The following INSC variants were observed in gnomAD, a reference collection of about 807,000 sequenced individuals.
INSC encodes the protein protein inscuteable homolog.
INSC carries 67 observed loss-of-function variants against 58.6 expected under a neutral mutation model. That is an observed-to-expected ratio of 1.14 (90% CI 0.94 to 1.40). INSC has a LOEUF of 1.40. INSC is among the 40% of genes most tolerant of loss of function. INSC has a pLI of 0.00. For synonymous variants in INSC, 262 were observed against 276.1 expected (o/e 0.95, Z 0.51); for missense variants, 714 against 692.0 (o/e 1.03, Z -0.36).
intron 7 of INSC, among the ~76,000 whole-genome samples, chr11:15,208,042 C>T (rs1031930882): frequency 6.6e-6 from 1 of 152,212 alleles, no homozygotes; most frequent in Non-Finnish European, 1.5e-5. Context: ...AAAGCTACTA[C>T]TTTCTTGCTA....
At chr11:15,206,051 T>G (rs1385448579) in intron 7 of INSC, among the ~76,000 whole-genome samples, 1 of 152,204 alleles carries the variant, frequency 6.6e-6, no homozygotes. Flanking sequence ...GCAGCCTCCC[T>G]GCATCCTAAG....
chr11:15,262,757 T>C, the INSC span, among the ~76,000 whole-genome samples: 2 of 151,808 alleles, frequency 1.3e-5, no homozygotes, highest in African/African-American at 2.4e-5. Context: ...CAGTTCTCTA[T>C]GGAAGAAACA....
intron 9 of INSC, among the ~76,000 whole-genome samples, chr11:15,230,589 A>T (rs1217844338): frequency 6.6e-6 from 1 of 152,250 alleles, no homozygotes; most frequent in African/African-American, 2.4e-5. Flanking sequence ...TCCAAAACAT[A>T]TCAGGGATAT....
At chr11:15,135,409 T>C (rs1436129154) in intron 1 of INSC, among the ~76,000 whole-genome samples, 1 of 152,224 alleles carries the variant, frequency 6.6e-6, no homozygotes, top group Non-Finnish European at 1.5e-5. Flanking sequence ...CATAAAGGAT[T>C]CTTTAACTGA....
chr11:15,225,966 TC>T, intron 9 of INSC, 138 bp downstream of exon 9: 1 of 773,832 alleles, frequency 1.3e-6, no homozygotes, highest in Non-Finnish European at 2.0e-6. Flanking sequence ...GGGCAAATAT[TC>T]TCCACGTTTC....
In INSC at chr11:15,126,622, G is replaced by A. The variant is rs530222884; in HGVS notation, c.-46+11619G>A. Among the ~76,000 whole-genome samples, 39 of 152,340 alleles carry A rather than the reference G, an allele frequency of 2.6e-4. 1 individual carries two copies. The South Asian group carries it at 7.7e-3, about 30-fold the overall frequency. ...TTGTCTAAGGCACTATAGAACACTTGTTTCAGAGAAAGGTCAAGCATCTCA... is the reference window on the plus strand; with the variant it reads ...TTGTCTAAGGCACTATAGAACACTTATTTCAGAGAAAGGTCAAGCATCTCA... On this transcript the variant is annotated intron_variant, in intron 1 of 12. Transcript: ENST00000379556.
chr11:15,194,568 G>A (rs1375829264), intron 6 of INSC, among the ~76,000 whole-genome samples: 2 of 152,216 alleles, frequency 1.3e-5, no homozygotes, highest in Non-Finnish European at 2.9e-5. Context: ...CTTGTGAGTG[G>A]AGAAGTGAAT....
intron 7 of INSC, among the ~76,000 whole-genome samples, chr11:15,218,707 C>T (rs1021382349): frequency 6.6e-6 from 1 of 152,152 alleles, no homozygotes; most frequent in African/African-American, 2.4e-5. Flanking sequence ...TCCACACATC[C>T]TCTGGAAACC....
At chr11:15,127,647 T>C (rs1292160117) in intron 1 of INSC, among the ~76,000 whole-genome samples, 1 of 152,190 alleles carries the variant, frequency 6.6e-6, no homozygotes, top group Admixed American at 6.5e-5. Context: ...ACTCCCTCAT[T>C]GCGTTCCATG....
At chr11:15,223,677 C>A (rs1851528689) in intron 8 of INSC, among the ~76,000 whole-genome samples, 1 of 152,170 alleles carries the variant, frequency 6.6e-6, no homozygotes, top group African/African-American at 2.4e-5. Flanking sequence ...AAGTGGGCCA[C>A]TGAGCTCTGC....
intron 12 of INSC, 49 bp from the exon 13 acceptor site, chr11:15,245,863 C>A: frequency 6.3e-7 from 1 of 1,588,674 alleles, no homozygotes. Flanking sequence ...ATACATGTAC[C>A]TGACATGGCC....
chr11:15,190,614 G>A, intron 5 of INSC, 87 bp from the exon 6 acceptor site: 1 of 880,822 alleles, frequency 1.1e-6, no homozygotes, highest in Non-Finnish European at 1.9e-6. Flanking sequence ...TTGCTGTTAG[G>A]AGCATGGGCC....
intron 6 of INSC, among the ~76,000 whole-genome samples, chr11:15,200,572 G>A (rs10832371): frequency 0.23 from 34,377 of 151,702 alleles, 4,825 homozygotes; most frequent in East Asian, 0.72. Flanking sequence ...CCTGGCTCCC[G>A]AGCCCCAGAA....
chr11:15,127,744 G>A lies in INSC; in HGVS notation c.-46+12741G>A, dbSNP rs540120571. ...CTTCGGGGTAGCAGTCATGGATCAA[G>A]CAAGGTGGATGGAACTTGGATGGGT... On this transcript the variant is annotated intron_variant, in intron 1 of 12. Transcript: ENST00000379556. Among the ~76,000 whole-genome samples, 55 of 152,286 alleles carry A rather than the reference G, an allele frequency of 3.6e-4. 1 individual carries two copies. The highest frequency in any genetic ancestry group is 7.2e-4 in the Admixed American group (11 of 15,296).
the INSC span, among the ~76,000 whole-genome samples, chr11:15,266,369 T>C: frequency 6.6e-6 from 1 of 152,140 alleles, no homozygotes; most frequent in Admixed American, 6.6e-5. Context: ...CATAGGGATC[T>C]ATTAGCAACT....
chr11:15,260,543 G>A, the INSC span, among the ~76,000 whole-genome samples: 1 of 152,230 alleles, frequency 6.6e-6, no homozygotes, highest in Non-Finnish European at 1.5e-5. Context: ...AAGCTCACAT[G>A]GTTGTTGTAA....
intron 2 of INSC, among the ~76,000 whole-genome samples, chr11:15,150,078 T>C (rs537116036): frequency 1.6e-4 from 24 of 152,118 alleles, no homozygotes; most frequent in Non-Finnish European, 3.5e-4. Flanking sequence ...ACAGTTCTGA[T>C]AGGGTGAGGT....
At chr11:15,201,014 C>T in intron 7 of INSC, 65 bp downstream of exon 7, 1 of 1,526,596 alleles carries the variant, frequency 6.6e-7, no homozygotes, top group African/African-American at 1.4e-5. Context: ...GTCCAGGCCT[C>T]ATGATGGCCA....
chr11:15,167,384 TC>T (rs1849237487), intron 2 of INSC, among the ~76,000 whole-genome samples: 1 of 152,146 alleles, frequency 6.6e-6, no homozygotes, highest in Non-Finnish European at 1.5e-5. Flanking sequence ...TTCTATGTTT[TC>T]TTCTCAGTAT....
Sources: allele counts gnomAD v4.1 joint callset (sites outside exome capture counted in the v4.1 genomes callset), GRCh38; gene constraint gnomAD v4.1.1; transcripts MANE v1.5; gene names NCBI Gene and HGNC (gene_info 2026-07-23, HGNC 2026-07-21).